Variants in RYR3 observed in about 807,000 individuals in gnomAD.
RYR3 encodes ryanodine receptor 3.
Under a neutral mutation model 584.3 loss-of-function variants are expected in RYR3, and 207 were observed. The ratio of observed to expected loss-of-function variants is 0.35; its 90% CI spans 0.32 to 0.40. RYR3 has a LOEUF of 0.40. Ranked by LOEUF, RYR3 falls within the 10% of genes least tolerant of loss-of-function variation. RYR3 has a pLI of 1.00. For missense variants in RYR3, 5,616 were observed against 6,089.2 expected (o/e 0.92, Z 2.59); for synonymous variants, 2,416 against 2,248.5 (o/e 1.07, Z -2.11).
chr15:33,360,590 A>C (rs376807500), intron 1 of RYR3, among the ~76,000 whole-genome samples: 10 of 152,242 alleles, frequency 6.6e-5, no homozygotes, highest in African/African-American at 2.2e-4. Flanking sequence ...ATGTTTATAC[A>C]TAGGTCTTCC....
chr15:33,854,523 G>C (rs2079440642), intron 97 of RYR3, 74 bp downstream of exon 97: 1 of 1,302,102 alleles, frequency 7.7e-7, no homozygotes, highest in African/African-American at 1.5e-5. Context: ...AGCTATGCAG[G>C]ATGCTCAGAA....
intron 45 of RYR3, among the ~76,000 whole-genome samples, chr15:33,725,056 C>A (rs1462596360): frequency 6.6e-6 from 1 of 151,894 alleles, no homozygotes; most frequent in African/African-American, 2.4e-5. Context: ...TTATAGTTTG[C>A]TGCTTCTCAA....
intron 1 of RYR3, among the ~76,000 whole-genome samples, chr15:33,392,053 T>G (rs1754189196): frequency 6.6e-6 from 1 of 152,214 alleles, no homozygotes; most frequent in South Asian, 2.1e-4. Context: ...CACTTTGTTT[T>G]CAGAGCACCT....
intron 1 of RYR3, among the ~76,000 whole-genome samples, chr15:33,406,751 G>A (rs1446673051): frequency 6.6e-6 from 1 of 152,246 alleles, no homozygotes; most frequent in East Asian, 1.9e-4. Flanking sequence ...ACTATCCCAG[G>A]CCATTTCATT....
chr15:33,544,935 G>A (rs943355608), intron 8 of RYR3, among the ~76,000 whole-genome samples: 1 of 152,076 alleles, frequency 6.6e-6, no homozygotes, highest in African/African-American at 2.4e-5. Flanking sequence ...CTACCCTGTC[G>A]TGTGATCCTG....
intron 1 of RYR3, among the ~76,000 whole-genome samples, chr15:33,425,117 T>A (rs1047191964): frequency 2.0e-5 from 3 of 152,134 alleles, no homozygotes; most frequent in Non-Finnish European, 4.4e-5. Context: ...CATGGATGAA[T>A]CCTGTGTGCT....
intron 1 of RYR3, among the ~76,000 whole-genome samples, chr15:33,345,808 G>C (rs967804371): frequency 1.3e-5 from 2 of 152,178 alleles, no homozygotes; most frequent in South Asian, 4.1e-4. Context: ...GTTTACAAAA[G>C]TTTAACCATT....
chr15:33,502,467 A>G (rs528409858), intron 2 of RYR3, among the ~76,000 whole-genome samples: 1 of 152,152 alleles, frequency 6.6e-6, no homozygotes, highest in Non-Finnish European at 1.5e-5. Context: ...TGTTGTTCTC[A>G]TGGTATTGAT....
At chr15:33,731,758 T>A in intron 48 of RYR3, 64 bp downstream of exon 48, 1 of 1,159,386 alleles carries the variant, frequency 8.6e-7, no homozygotes, top group Non-Finnish European at 1.3e-6. Flanking sequence ...TTTTCCTATG[T>A]AATCTAAAAA....
At chr15:33,747,009 C>T (rs2070792161) in intron 53 of RYR3, among the ~76,000 whole-genome samples, 2 of 151,350 alleles carry the variant, frequency 1.3e-5, no homozygotes, top group African/African-American at 2.4e-5. Flanking sequence ...CGGGGTTTCG[C>T]CATGTTGGCC....
chr15:33,763,892 CAAAAAAAAAAAAA>C (rs796878162), intron 60 of RYR3, among the ~76,000 whole-genome samples: 1 of 45,870 alleles, frequency 2.2e-5, no homozygotes, highest in South Asian at 1.2e-3. Context: ...GACTTCATCT[CAAAAAAAAAAAAA>C]AAAAAAAAAA....
intron 8 of RYR3, 69 bp from the exon 9 acceptor site, chr15:33,548,061 G>A (rs1325803075): frequency 1.0e-5 from 11 of 1,075,352 alleles, no homozygotes; most frequent in Non-Finnish European, 1.4e-5. Context: ...CCTCTGCAGG[G>A]AGCTGTTCTT....
rs80239656 is a variant in RYR3, at chr15:33,712,997, C to T, written c.6619+5943C>T. ...TGATAGTTGTTGTTCATGATCTTTA[C>T]GAGAGTGGTAGGGCATTTGAAATGG... is the stretch of plus-strand genomic sequence containing the variant. On this transcript the variant is annotated intron_variant, in intron 43 of 103. Coordinates refer to ENST00000634891, the MANE Select transcript of RYR3 (RefSeq NM_001036.6). Among the ~76,000 whole-genome samples the T allele has an allele frequency of 5.6e-3, 851 of 152,242 alleles. 4 individuals carry two copies. Among genetic ancestry groups the T allele is most frequent in the East Asian group, 0.024 (123 of 5,178 alleles).
At position 33,811,048 on chromosome 15, in the gene RYR3, A is replaced by G. The variant is rs761006867; in HGVS notation, c.10257+11A>G. 1.2e-6 allele frequency: 2 copies of G among 1,603,888 alleles called. No homozygotes were observed. Among genetic ancestry groups the G allele is most frequent in the Non-Finnish European group, 1.7e-6 (2 of 1,175,148 alleles). ...CACTTGCAGGAAAAGGTGATGACTC[A>G]GGACAGCAGTGAGAACTCACACCGG... On this transcript the variant is annotated intron_variant, in intron 72 of 103. Transcript: ENST00000634891.
At chr15:33,795,082 C>G (rs957734567) in intron 67 of RYR3, among the ~76,000 whole-genome samples, 1 of 152,216 alleles carries the variant, frequency 6.6e-6, no homozygotes, top group Non-Finnish European at 1.5e-5. Flanking sequence ...TCTAATCCCT[C>G]TTGTGGCAGC....
At chr15:33,654,502 C>T (rs951011360) in intron 32 of RYR3, among the ~76,000 whole-genome samples, 1 of 114,004 alleles carries the variant, frequency 8.8e-6, no homozygotes, top group Non-Finnish European at 1.9e-5. Context: ...CTGAGTAAGA[C>T]CCTGTCTTAA....
At chr15:33,745,982 C>A (rs1406593313) in intron 52 of RYR3, 86 bp from the exon 53 acceptor site, 1 of 873,660 alleles carries the variant, frequency 1.1e-6, no homozygotes, top group Admixed American at 2.0e-5. Context: ...ACTCCACTTG[C>A]TCCATGAAAA....
In RYR3 at chr15:33,418,814, A is replaced by T. The variant is rs149598351; in HGVS notation, c.52-54605A>T. On this transcript the variant is annotated intron_variant, in intron 1 of 103. Coordinates refer to ENST00000634891, the MANE Select transcript of RYR3 (RefSeq NM_001036.6). ...ATACTTAGGTGGTATAGAAGACAGGATCTGGAAGTTGAATTGCTTTGGTGG... is the reference window on the plus strand; with the variant it reads ...ATACTTAGGTGGTATAGAAGACAGGTTCTGGAAGTTGAATTGCTTTGGTGG... Among the ~76,000 whole-genome samples the T allele has an allele frequency of 2.6e-3, 400 of 152,306 alleles. 2 individuals are homozygous for T. Among genetic ancestry groups the T allele is most frequent in the African/African-American group, 9.2e-3 (382 of 41,568 alleles).
intron 1 of RYR3, among the ~76,000 whole-genome samples, chr15:33,398,365 C>T (rs569547605): frequency 2.6e-5 from 4 of 152,102 alleles, no homozygotes; most frequent in African/African-American, 9.7e-5. Flanking sequence ...CTGACTTTGT[C>T]GCATCTTTAC....
Sources: gnomAD v4.1 joint callset for allele counts (sites outside exome capture counted in the v4.1 genomes callset) on GRCh38, gnomAD v4.1.1 for gene constraint, MANE v1.5 for transcripts, NCBI Gene and HGNC (gene_info 2026-07-23, HGNC 2026-07-21) for gene names.